GALNT13: variants seen among roughly 807,000 people sequenced by gnomAD.
GALNT13 encodes UDP-GalNAc:polypeptide N-acetylgalactosaminyltransferase 13.
In GALNT13, 28 loss-of-function variants were observed where a neutral mutation model predicts 64.2. That is an observed-to-expected ratio of 0.44 (90% CI 0.32 to 0.60). The LOEUF (loss-of-function observed/expected upper bound fraction) is 0.60, where lower values mean the gene tolerates loss of function less well. Ranked by LOEUF, GALNT13 falls within the 20% of genes least tolerant of loss-of-function variation. The pLI is 0.05. For synonymous variants in GALNT13, 214 were observed against 224.6 expected (o/e 0.95, Z 0.42); for missense variants, 577 against 669.8 (o/e 0.86, Z 1.53).
At chr2:154,320,631 T>C (rs1358371195) in intron 9 of GALNT13, among the ~76,000 whole-genome samples, 1 of 152,178 alleles carries the variant, frequency 6.6e-6, no homozygotes, top group East Asian at 1.9e-4. Context: ...TTGTGTTTTA[T>C]TGTAGAGTCA....
chr2:154,119,924 A>G (rs1277638150), intron 3 of GALNT13, among the ~76,000 whole-genome samples: 2 of 152,008 alleles, frequency 1.3e-5, no homozygotes, highest in Admixed American at 6.6e-5. Context: ...CATTTCAATG[A>G]TATTTATTTC....
At chr2:153,311,068 T>G in the GALNT13 span, among the ~76,000 whole-genome samples, 1 of 152,182 alleles carries the variant, frequency 6.6e-6, no homozygotes, top group African/African-American at 2.4e-5. Flanking sequence ...AGCCCATATA[T>G]AAGAAGGAAG....
chr2:153,937,490 T>A (rs73009841), intron 2 of GALNT13, among the ~76,000 whole-genome samples: 1 of 152,030 alleles, frequency 6.6e-6, no homozygotes, highest in South Asian at 2.1e-4. Flanking sequence ...GATGGTAGGA[T>A]TGAGGGTTCT....
chr2:153,216,446 T>C, the GALNT13 span, among the ~76,000 whole-genome samples: 1 of 152,068 alleles, frequency 6.6e-6, no homozygotes, highest in Non-Finnish European at 1.5e-5. Context: ...TGACTTCTAG[T>C]TGCTCTGCAT....
chr2:153,581,309 AGCT>A, the GALNT13 span, among the ~76,000 whole-genome samples: 1 of 152,106 alleles, frequency 6.6e-6, no homozygotes, highest in African/African-American at 2.4e-5. Context: ...TCGAGCACAC[AGCT>A]GCTTCTAGTG....
chr2:154,157,116 TATA>T (rs2105650477), intron 4 of GALNT13, among the ~76,000 whole-genome samples: 1 of 152,218 alleles, frequency 6.6e-6, no homozygotes, highest in African/African-American at 2.4e-5. Flanking sequence ...CCCTCACACC[TATA>T]ATACTTCCTC....
At chr2:153,648,378 C>T in the GALNT13 span, among the ~76,000 whole-genome samples, 1 of 151,942 alleles carries the variant, frequency 6.6e-6, no homozygotes, top group Non-Finnish European at 1.5e-5. Flanking sequence ...GAGACGATGG[C>T]ATTTTCTGAA....
the GALNT13 span, among the ~76,000 whole-genome samples, chr2:153,493,561 A>C: frequency 2.6e-5 from 4 of 152,148 alleles, no homozygotes; most frequent in African/African-American, 9.6e-5. Context: ...TTGAAGAGGA[A>C]ATAAGACCAA....
intron 4 of GALNT13, among the ~76,000 whole-genome samples, chr2:154,214,027 C>G (rs1687915464): frequency 6.6e-6 from 1 of 152,112 alleles, no homozygotes; most frequent in South Asian, 2.1e-4. Context: ...CACCTGCCTA[C>G]TAGAATATTC....
the GALNT13 span, among the ~76,000 whole-genome samples, chr2:153,571,026 G>C: frequency 3.3e-5 from 5 of 151,392 alleles, no homozygotes; most frequent in East Asian, 7.8e-4. Context: ...GAATTGCATT[G>C]AATTTGTAGA....
rs865936642 is a variant in GALNT13 at position 154,110,376 on chromosome 2, G to C, written c.143-29961G>C. On this transcript the variant is annotated intron_variant, in intron 3 of 12. Transcript: ENST00000392825. ...AGAGAGAGAGAGAGAGAGAGAGAGA[G>C]ACAGAGAGAGAGAGAGAGAGAGAGA... 1.2e-3 allele frequency among the ~76,000 whole-genome samples: 104 copies of C among 86,658 alleles called. 1 individual carries two copies. The highest frequency in any genetic ancestry group is 0.012 in the East Asian group (10 of 846). 56.9% of individuals were successfully genotyped at this position (86,658 alleles called of 152,430 possible).
At chr2:153,835,902 C>T in the GALNT13 span, among the ~76,000 whole-genome samples, 6 of 152,030 alleles carry the variant, frequency 3.9e-5, no homozygotes, top group South Asian at 1.2e-3. Context: ...GATTACTCTT[C>T]TCTAAGTAAT....
At chr2:154,206,330 T>G (rs2105789606) in intron 4 of GALNT13, among the ~76,000 whole-genome samples, 1 of 152,110 alleles carries the variant, frequency 6.6e-6, no homozygotes, top group Non-Finnish European at 1.5e-5. Flanking sequence ...TAGGAAAAAT[T>G]TTGTTTTTGA....
At chr2:154,295,504 T>C (rs768355052) in intron 8 of GALNT13, among the ~76,000 whole-genome samples, 38 of 151,812 alleles carry the variant, frequency 2.5e-4, no homozygotes, top group Non-Finnish European at 1.8e-4. Flanking sequence ...GCTGGGATTA[T>C]AGGCACCCAC....
At chr2:153,849,460 T>G in the GALNT13 span, among the ~76,000 whole-genome samples, 1 of 152,190 alleles carries the variant, frequency 6.6e-6, no homozygotes, top group Non-Finnish European at 1.5e-5. Context: ...TAAAAAGAAT[T>G]AAAATTCTAC....
At chr2:153,127,068 A>G in the GALNT13 span, among the ~76,000 whole-genome samples, 1 of 152,224 alleles carries the variant, frequency 6.6e-6, no homozygotes, top group Non-Finnish European at 1.5e-5. Flanking sequence ...TAATCTTTGA[A>G]GAAAATACAA....
the GALNT13 span, among the ~76,000 whole-genome samples, chr2:153,398,422 CT>C: frequency 6.6e-6 from 1 of 152,020 alleles, no homozygotes; most frequent in African/African-American, 2.4e-5. Context: ...ATTTATAGTC[CT>C]TTGGGTACAT....
chr2:154,404,872 G>T (rs1244695794), intron 10 of GALNT13, among the ~76,000 whole-genome samples: 3 of 151,896 alleles, frequency 2.0e-5, no homozygotes, highest in African/African-American at 4.8e-5. Flanking sequence ...AGAAAAAGGT[G>T]TTCCATATTT....
intron 3 of GALNT13, among the ~76,000 whole-genome samples, chr2:154,078,715 A>G (rs1209154791): frequency 6.6e-6 from 1 of 151,636 alleles, no homozygotes; most frequent in Non-Finnish European, 1.5e-5. Context: ...TAAAATATAT[A>G]TGTAAAAACT....
Sources: gnomAD v4.1 joint callset for allele counts (sites outside exome capture counted in the v4.1 genomes callset) on GRCh38, gnomAD v4.1.1 for gene constraint, MANE v1.5 for transcripts, NCBI Gene and HGNC (gene_info 2026-07-23, HGNC 2026-07-21) for gene names.